Variants in CSMD1 observed in about 807,000 individuals in gnomAD.
The protein encoded by CSMD1 is CUB and Sushi multiple domains 1.
In CSMD1, 213 loss-of-function variants were observed where a neutral mutation model predicts 417.5. The ratio of observed to expected loss-of-function variants is 0.51; its 90% confidence interval spans 0.46 to 0.57. The LOEUF (loss-of-function observed/expected upper bound fraction) is 0.57, where lower values mean the gene tolerates loss of function less well. CSMD1 is among the 20% of genes least tolerant of loss of function. The probability of loss-of-function intolerance (pLI) is 0.00; values close to 1 mark genes in which losing one functional copy is unlikely to be tolerated. For synonymous variants in CSMD1, 2,862 were observed against 1,736.8 expected (o/e 1.65, Z -16.11); for missense variants, 6,923 against 4,529.7 (o/e 1.53, Z -15.17).
intron 2 of CSMD1, among the ~76,000 whole-genome samples, chr8:4,464,175 C>G (rs1185908325): frequency 6.6e-6 from 1 of 152,152 alleles, no homozygotes; most frequent in Admixed American, 6.5e-5. Flanking sequence ...CTCTACTTCA[C>G]TTACAGGACT....
At chr8:3,642,783 G>C (rs1189592097) in intron 7 of CSMD1, among the ~76,000 whole-genome samples, 1 of 152,082 alleles carries the variant, frequency 6.6e-6, no homozygotes, top group African/African-American at 2.4e-5. Flanking sequence ...ATTTCATGCA[G>C]AGTATGTATA....
chr8:3,032,047 A>T lies in CSMD1; in HGVS notation c.7661-2534T>A, dbSNP rs180848264. ...GAAAAATAGCCTGCCAAGAAAATACATTGCCACAACAAAAGAAAGAGAGGA... is the reference window on the plus strand; with the variant it reads ...GAAAAATAGCCTGCCAAGAAAATACTTTGCCACAACAAAAGAAAGAGAGGA... On this transcript the variant is annotated intron_variant, in intron 50 of 69. Transcript: ENST00000635120. Among the ~76,000 whole-genome samples the T allele has an allele frequency of 3.8e-4, 57 of 151,676 alleles. 2 individuals carry two copies. Among genetic ancestry groups the T allele is most frequent in the Non-Finnish European group, 1.0e-4 (7 of 67,872 alleles).
intron 1 of CSMD1, among the ~76,000 whole-genome samples, chr8:4,670,230 G>A (rs559633470): frequency 2.0e-5 from 3 of 152,174 alleles, no homozygotes; most frequent in Non-Finnish European, 4.4e-5. Context: ...TGTTCTTTGT[G>A]TGGATAATGT....
chr8:4,868,537 T>C (rs982478011), intron 1 of CSMD1, among the ~76,000 whole-genome samples: 1 of 152,064 alleles, frequency 6.6e-6, no homozygotes, highest in Non-Finnish European at 1.5e-5. Flanking sequence ...ATATTAGTGT[T>C]AGTGGGATCA....
At chr8:4,098,577 T>C (rs561931783) in intron 3 of CSMD1, among the ~76,000 whole-genome samples, 24 of 152,110 alleles carry the variant, frequency 1.6e-4, no homozygotes, top group East Asian at 7.7e-4. Flanking sequence ...GCCTGAAAGA[T>C]TGGGAACTCA....
At chr8:4,853,172 C>T (rs1262072524) in intron 1 of CSMD1, among the ~76,000 whole-genome samples, 1 of 152,128 alleles carries the variant, frequency 6.6e-6, no homozygotes, top group Non-Finnish European at 1.5e-5. Flanking sequence ...ATTTGCATGA[C>T]TAAAAGGGAC....
At chr8:3,847,789 T>C (rs1224264284) in intron 5 of CSMD1, among the ~76,000 whole-genome samples, 2 of 152,202 alleles carry the variant, frequency 1.3e-5, no homozygotes, top group African/African-American at 4.8e-5. Flanking sequence ...GATTAGGAAA[T>C]ATAGTTGGGT....
chr8:4,924,037 G>A (rs1457539558), intron 1 of CSMD1, among the ~76,000 whole-genome samples: 1 of 152,174 alleles, frequency 6.6e-6, no homozygotes, highest in Admixed American at 6.5e-5. Flanking sequence ...ATCTCAGCTT[G>A]CTTGAAGTCT....
intron 2 of CSMD1, among the ~76,000 whole-genome samples, chr8:4,481,787 A>G (rs972674702): frequency 1.3e-5 from 2 of 152,176 alleles, no homozygotes; most frequent in Non-Finnish European, 2.9e-5. Context: ...GACTATTGTG[A>G]GCACATAATG....
In CSMD1 at chr8:3,616,706, T is replaced by C. The variant is rs770699253; in HGVS notation, c.1097+4A>G. The C allele has an allele frequency of 6.3e-7, 1 of 1,589,958 alleles. No homozygotes were observed. Among genetic ancestry groups the C allele is most frequent in the African/African-American group, 1.3e-5 (1 of 74,416 alleles). ...CTTTTTTCCACCACTATTGTATCTCTTACCTGAAGTCGGAACCTGCTCTTC... is the reference window on the plus strand; with the variant it reads ...CTTTTTTCCACCACTATTGTATCTCCTACCTGAAGTCGGAACCTGCTCTTC... On this transcript the variant is annotated splice_donor_region_variant and intron_variant, in intron 8 of 69. Coordinates refer to ENST00000635120, the MANE Select transcript of CSMD1 (RefSeq NM_033225.6).
intron 1 of CSMD1, among the ~76,000 whole-genome samples, chr8:4,903,467 G>C (rs752494): frequency 0.076 from 11,517 of 152,144 alleles, 504 homozygotes; most frequent in Middle Eastern, 0.13. Flanking sequence ...TACACCAATT[G>C]TACAAATGTA....
At chr8:3,433,966 G>C (rs997146111) in intron 12 of CSMD1, among the ~76,000 whole-genome samples, 5 of 152,152 alleles carry the variant, frequency 3.3e-5, no homozygotes, top group Admixed American at 6.5e-5. Context: ...CTCCCCTCTG[G>C]AAGTCTAACG....
chr8:3,704,806 G>A (rs1801075172), intron 7 of CSMD1: 1 of 152,218 alleles, frequency 6.6e-6, no homozygotes, highest in Admixed American at 6.5e-5. Flanking sequence ...CCCATTCCTT[G>A]TCATGATCTC....
intron 6 of CSMD1, among the ~76,000 whole-genome samples, chr8:3,710,434 G>A (rs954208057): frequency 6.6e-6 from 1 of 152,170 alleles, no homozygotes; most frequent in African/African-American, 2.4e-5. Flanking sequence ...CTTTAGTATG[G>A]TGTCCTGAGC....
At chr8:3,984,624 T>G (rs556265563) in intron 5 of CSMD1, among the ~76,000 whole-genome samples, 2 of 149,502 alleles carry the variant, frequency 1.3e-5, no homozygotes, top group East Asian at 4.0e-4. Flanking sequence ...AGGGGTTTCA[T>G]TTGAACAAAA....
At chr8:3,388,332 T>C (rs556982990) in intron 17 of CSMD1, among the ~76,000 whole-genome samples, 1 of 150,324 alleles carries the variant, frequency 6.7e-6, no homozygotes, top group East Asian at 1.9e-4. Context: ...TTATGAGAGT[T>C]TCTTTTCTCC....
intron 2 of CSMD1, among the ~76,000 whole-genome samples, chr8:4,586,314 C>T (rs748761937): frequency 2.0e-5 from 3 of 152,314 alleles, no homozygotes; most frequent in African/African-American, 7.2e-5. Flanking sequence ...CCAGGCAATT[C>T]CCATTGGCAG....
intron 1 of CSMD1, among the ~76,000 whole-genome samples, chr8:4,963,555 G>C (rs936211195): frequency 1.1e-4 from 16 of 152,018 alleles, no homozygotes; most frequent in African/African-American, 3.6e-4. Flanking sequence ...CTGCTTTTGT[G>C]TCTTTCCTAT....
At chr8:4,402,675 C>G (rs932469426) in intron 3 of CSMD1, among the ~76,000 whole-genome samples, 5 of 152,100 alleles carry the variant, frequency 3.3e-5, no homozygotes, top group Admixed American at 1.3e-4. Context: ...TTGCCCATTA[C>G]TTCATGGAGA....
Sources: gnomAD v4.1 joint callset for allele counts (sites outside exome capture counted in the v4.1 genomes callset) on GRCh38, gnomAD v4.1.1 for gene constraint, MANE v1.5 for transcripts, NCBI Gene and HGNC (gene_info 2026-07-23, HGNC 2026-07-21) for gene names.